NRP1: variants seen among roughly 807,000 people sequenced by gnomAD.
NRP1 encodes the protein neuropilin 1.
A neutral mutation model predicts 106.7 loss-of-function variants in NRP1; 35 were observed. The ratio of observed to expected loss-of-function variants is 0.33; its 90% CI spans 0.25 to 0.43. The LOEUF (loss-of-function observed/expected upper bound fraction) is 0.43, where lower values mean the gene tolerates loss of function less well. Ranked by LOEUF, NRP1 falls within the 20% of genes least tolerant of loss-of-function variation. The pLI, the probability that NRP1 is intolerant of heterozygous loss-of-function variation, is 1.00. For missense variants in NRP1, 1,024 were observed against 1,170.4 expected, an observed-to-expected ratio of 0.87 and a Z score of 1.83; for synonymous variants, 437 against 417.9, an observed-to-expected ratio of 1.05 and a Z score of -0.56.
At chr10:33,329,047 A>T (rs1466041099) in intron 2 of NRP1, among the ~76,000 whole-genome samples, 1 of 152,228 alleles carries the variant, frequency 6.6e-6, no homozygotes, top group Non-Finnish European at 1.5e-5. Flanking sequence ...TACTGCTACT[A>T]CTAATGAAGT....
intron 6 of NRP1, among the ~76,000 whole-genome samples, chr10:33,244,778 T>A (rs1332592156): frequency 3.9e-5 from 6 of 152,160 alleles, no homozygotes; most frequent in Admixed American, 3.9e-4. Flanking sequence ...ACATACCACA[T>A]AAAAACAAAA....
At chr10:33,247,534 G>A (rs73251972) in intron 6 of NRP1, among the ~76,000 whole-genome samples, 13,072 of 152,292 alleles carry the variant, frequency 0.086, 644 homozygotes, top group Middle Eastern at 0.2. Flanking sequence ...GGGGCCGAGG[G>A]TGGCAAACCT....
chr10:33,202,567 T>G (rs11009287), intron 11 of NRP1: 291,900 of 1,304,502 alleles, frequency 0.22, 28,714 homozygotes, highest in East Asian at 0.57. Flanking sequence ...CACGTGTTAT[T>G]GGGGGGGGGT....
intron 2 of NRP1, among the ~76,000 whole-genome samples, chr10:33,301,458 C>T (rs1248832097): frequency 6.6e-6 from 1 of 152,174 alleles, no homozygotes; most frequent in Non-Finnish European, 1.5e-5. Flanking sequence ...GAGGCTGATG[C>T]AGAATTCTGT....
chr10:33,226,070 C>T, intron 7 of NRP1, 64 bp downstream of exon 7: 1 of 1,544,324 alleles, frequency 6.5e-7, no homozygotes. Context: ...ACCAAACAAA[C>T]AAGTAAAAAT....
chr10:33,326,459 A>G (rs1233652623), intron 2 of NRP1, among the ~76,000 whole-genome samples: 1 of 152,172 alleles, frequency 6.6e-6, no homozygotes, highest in African/African-American at 2.4e-5. Flanking sequence ...AAAGAAATCA[A>G]CATTCCTTCC....
intron 2 of NRP1, among the ~76,000 whole-genome samples, chr10:33,283,086 C>T (rs560630720): frequency 6.6e-6 from 1 of 152,162 alleles, no homozygotes; most frequent in Non-Finnish European, 1.5e-5. Context: ...GTAAAAATTG[C>T]ACAATTTTGT....
intron 11 of NRP1, chr10:33,202,570 G>GGT: frequency 1.4e-6 from 2 of 1,411,322 alleles, no homozygotes; most frequent in Middle Eastern, 2.4e-4. Flanking sequence ...GTGTTATTGG[G>GGT]GGGGGGTCTG....
chr10:33,242,325 T>A (rs1332161897), intron 6 of NRP1, among the ~76,000 whole-genome samples: 1 of 152,242 alleles, frequency 6.6e-6, no homozygotes, highest in East Asian at 1.9e-4. Flanking sequence ...CCATTTTATA[T>A]TGGAGCTTTC....
At chr10:33,308,286 A>T (rs1290482457) in intron 2 of NRP1, among the ~76,000 whole-genome samples, 2 of 151,848 alleles carry the variant, frequency 1.3e-5, no homozygotes, top group Non-Finnish European at 2.9e-5. Context: ...GAGTGACAAA[A>T]TAATCTGTAC....
At chr10:33,253,786 C>T (rs541988810) in intron 6 of NRP1, among the ~76,000 whole-genome samples, 20 of 152,238 alleles carry the variant, frequency 1.3e-4, no homozygotes, top group East Asian at 5.8e-4. Flanking sequence ...AAGATAAATG[C>T]GTTTTCAGGG....
intron 3 of NRP1, among the ~76,000 whole-genome samples, chr10:33,268,379 G>T (rs1263343023): frequency 6.6e-6 from 1 of 152,176 alleles, no homozygotes. Context: ...ACATGGAAAA[G>T]AAGCTGAGAG....
At chr10:33,203,410 A>G (rs935184526) in intron 10 of NRP1, among the ~76,000 whole-genome samples, 1 of 152,168 alleles carries the variant, frequency 6.6e-6, no homozygotes, top group African/African-American at 2.4e-5. Flanking sequence ...ATTCTTTTAT[A>G]TTCTTAGTAT....
chr10:33,241,802 T>C (rs755439968), intron 6 of NRP1, among the ~76,000 whole-genome samples: 24 of 152,292 alleles, frequency 1.6e-4, no homozygotes, highest in Middle Eastern at 3.4e-3. Context: ...CCATTATAGT[T>C]TTAGATGCAA....
chr10:33,189,165 C>A lies in NRP1; in HGVS notation c.2063-2677G>T, dbSNP rs182642584. 1.3e-3 allele frequency among the ~76,000 whole-genome samples: 205 copies of A among 151,934 alleles called. 1 individual carries two copies. The highest frequency in any genetic ancestry group is 4.4e-3 in the African/African-American group (183 of 41,420). On this transcript the variant is annotated intron_variant, in intron 13 of 16. Transcript: ENST00000374867. ...ACACACACACACACACACTCACTCA[C>A]AATAAACACCCGATCCACAAACTTC...
In NRP1 at chr10:33,189,621, A is replaced by T. The variant is rs536559430; in HGVS notation, c.2062+2660T>A. 2.6e-5 allele frequency among the ~76,000 whole-genome samples: 4 copies of T among 152,250 alleles called. No homozygotes were observed. The East Asian group carries it at 5.8e-4, about 22-fold the overall frequency. ...GTTCACTGAACCAGGGAGAGATGCCAGACTTCAGGAATCCTCTGAAAGGAG... is the reference window on the plus strand; with the variant it reads ...GTTCACTGAACCAGGGAGAGATGCCTGACTTCAGGAATCCTCTGAAAGGAG... On this transcript the variant is annotated intron_variant, in intron 13 of 16. Transcript: ENST00000374867.
rs540549411 is a variant in NRP1, at chr10:33,200,240, C to T, written c.1865-2531G>A. On this transcript the variant is annotated intron_variant, in intron 11 of 16. Transcript: ENST00000374867. ...GCTATAGTTTGGGAGGCAAATTCCA[C>T]GGTTGGGTACACACAGCTCCAACGT... Among the ~76,000 whole-genome samples the T allele has an allele frequency of 4.6e-5, 7 of 152,284 alleles. No homozygotes were observed. The South Asian group carries it at 8.3e-4, about 18-fold the overall frequency.
intron 16 of NRP1, among the ~76,000 whole-genome samples, 170 bp from the exon 17 acceptor site, chr10:33,180,535 G>A (rs1033199721): frequency 2.0e-4 from 30 of 152,100 alleles, no homozygotes; most frequent in African/African-American, 7.2e-4. Flanking sequence ...AGGGGAGTGG[G>A]CGCTGGGGCT....
At chr10:33,238,118 C>A (rs556284387) in intron 6 of NRP1, among the ~76,000 whole-genome samples, 1 of 152,312 alleles carries the variant, frequency 6.6e-6, no homozygotes, top group African/African-American at 2.4e-5. Context: ...AAATGTGTGG[C>A]TTCACTGCCT....
Sources: allele counts gnomAD v4.1 joint callset (sites outside exome capture counted in the v4.1 genomes callset), GRCh38; gene constraint gnomAD v4.1.1; transcripts MANE v1.5; gene names NCBI Gene and HGNC (gene_info 2026-07-23, HGNC 2026-07-21).